Variants in COG4 observed in about 807,000 individuals in gnomAD.
COG4 encodes conserved oligomeric Golgi complex subunit 4.
In COG4, 65 loss-of-function variants were observed where a neutral mutation model predicts 95.1. The observed-to-expected ratio is 0.68, with a 90% CI of 0.56 to 0.84. The LOEUF is 0.84. Among genes scored for constraint, COG4 ranks in the 40% least tolerant of loss-of-function variants. The probability of loss-of-function intolerance (pLI) is 0.00; values close to 1 mark genes in which losing one functional copy is unlikely to be tolerated. For synonymous variants in COG4, 421 were observed against 374.8 expected (o/e 1.12, Z -1.42); for missense variants, 1,045 against 989.1 (o/e 1.06, Z -0.76).
chr16:70,505,133 G>C (rs769291793), intron 8 of COG4, among the ~76,000 whole-genome samples: 32 of 151,136 alleles, frequency 2.1e-4, no homozygotes, highest in Non-Finnish European at 4.4e-4. Context: ...TCAAGGACTA[G>C]TATCTGGCAC....
intron 8 of COG4, among the ~76,000 whole-genome samples, chr16:70,506,640 G>T (rs1341297255): frequency 7.5e-6 from 1 of 133,124 alleles, no homozygotes; most frequent in Non-Finnish European, 1.6e-5. Flanking sequence ...CATTTAGCTG[G>T]GAGTGGTGAC....
Position 70,480,929 on chromosome 16 carries a change from A to G in COG4, c.*81T>C. 6.4e-7 allele frequency: 1 copy of G among 1,553,420 alleles called. No homozygotes were observed. Among genetic ancestry groups the G allele is most frequent in the Non-Finnish European group, 8.8e-7 (1 of 1,135,436 alleles). On this transcript the variant is annotated 3_prime_UTR_variant, in exon 19 of 19. Coordinates refer to ENST00000323786, the MANE Select transcript of COG4 (RefSeq NM_015386.3). ...CTGTCAGATCTCCCCCAAGCCAGACAGCCTCGCTCAGCTCCTTGGCTGGGG... is the reference window on the plus strand; with the variant it reads ...CTGTCAGATCTCCCCCAAGCCAGACGGCCTCGCTCAGCTCCTTGGCTGGGG...
intron 12 of COG4, among the ~76,000 whole-genome samples, chr16:70,492,947 G>C (rs1447097342): frequency 6.6e-6 from 1 of 151,964 alleles, no homozygotes; most frequent in African/African-American, 2.4e-5. Flanking sequence ...GGGGCAACAA[G>C]AACGAAACTC....
rs1207931420 is a variant in COG4 at position 70,482,672 on chromosome 16, C to T, written c.1920+57G>A. ...GTTCAGATGGCTCTGCTCCCTCTAGCTGGGGCTAGGGATGAGGGGTCATCG... is the reference window on the plus strand; with the variant it reads ...GTTCAGATGGCTCTGCTCCCTCTAGTTGGGGCTAGGGATGAGGGGTCATCG... On this transcript the variant is annotated intron_variant, in intron 15 of 18. Transcript: ENST00000323786. The T allele has an allele frequency of 2.1e-6, 3 of 1,413,990 alleles. No individual in the cohort carries two copies. The African/African-American group carries it at 4.2e-5, about 20-fold the overall frequency. The allele number at this position is 1,413,990 out of a possible 1,614,324, so 87.6% of individuals were successfully genotyped here.
chr16:70,509,529 C>T (rs1010034602), intron 6 of COG4, 141 bp from the exon 7 acceptor site: 58 of 928,828 alleles, frequency 6.2e-5, no homozygotes, highest in Non-Finnish European at 9.0e-5. Flanking sequence ...TAGGCCTAGT[C>T]AATGCTAGGG....
chr16:70,513,326 T>C (rs887130933), intron 4 of COG4, among the ~76,000 whole-genome samples: 2 of 152,160 alleles, frequency 1.3e-5, no homozygotes, highest in Admixed American at 1.3e-4. Context: ...ATTTTATGAG[T>C]AGGCAATATG....
Position 70,523,359 on chromosome 16 carries a change from G to A in COG4, c.171+14C>T, listed in dbSNP as rs775954731. The A allele has an allele frequency of 1.2e-6, 2 of 1,613,926 alleles. No individual in the cohort carries two copies. Among genetic ancestry groups the A allele is most frequent in the Admixed American group, 1.7e-5 (1 of 60,006 alleles). ...CTAGATCCTCCATGAAAAAGAAGAG[G>A]CTCGACCCCGCACCTCCTCGCCGCA... On this transcript the variant is annotated intron_variant, in intron 1 of 18. Coordinates refer to ENST00000323786, the MANE Select transcript of COG4 (RefSeq NM_015386.3).
chr16:70,484,448 A>T (rs1475163166), intron 13 of COG4, among the ~76,000 whole-genome samples: 2 of 151,956 alleles, frequency 1.3e-5, no homozygotes, highest in African/African-American at 4.8e-5. Context: ...ATATTTATTT[A>T]CTTCTTCTTA....
At chr16:70,504,608 TTAAAAAA>T (rs1567385406) in intron 8 of COG4, among the ~76,000 whole-genome samples, 4 of 89,058 alleles carry the variant, frequency 4.5e-5, no homozygotes, top group Non-Finnish European at 8.3e-5. Context: ...GAGATTCTAT[TTAAAAAA>T]AAAAAAAAAA....
chr16:70,493,666 T>C (rs1213126638), intron 12 of COG4, among the ~76,000 whole-genome samples: 4 of 151,768 alleles, frequency 2.6e-5, no homozygotes, highest in South Asian at 2.1e-4. Context: ...TGGCAGGAGG[T>C]AGAGCTGCGA....
chr16:70,523,520 A>G lies in COG4; in HGVS notation c.24T>C (p.Leu8=), dbSNP rs760405355. 8.7e-6 allele frequency: 14 copies of G among 1,613,812 alleles called. No individual in the cohort carries two copies. The highest frequency in any genetic ancestry group is 1.3e-5 in the African/African-American group (1 of 74,958). Residue 8 remains leucine (L), a synonymous_variant, in exon 1 of 19, where the codon CTT becomes CTC. Transcript: ENST00000323786. The stretch of plus-strand genomic sequence containing the variant: ...CCCCTGACAGCTTCGGAGGCGAATC[A>G]AGGTCCGCCATCTTGGTCCCCATTC... MGTKMAD[L]DSPPKLSGVQ...
intron 8 of COG4, among the ~76,000 whole-genome samples, chr16:70,506,227 C>A (rs1196284648): frequency 6.6e-6 from 1 of 151,178 alleles, no homozygotes; most frequent in Non-Finnish European, 1.5e-5. Flanking sequence ...AAAACCCTGT[C>A]TCTACTAAAA....
In COG4 at chr16:70,517,806, G is replaced by A. The variant is rs1248483160; in HGVS notation, c.255-66C>T. On this transcript the variant is annotated intron_variant, in intron 2 of 18. Transcript: ENST00000323786. Reference sequence around the variant, plus strand: ...AGAGAAGAGACAGAAACTTTTTTTTGCATATGGACACTATGTCTTCTACTT... The same window carrying A: ...AGAGAAGAGACAGAAACTTTTTTTTACATATGGACACTATGTCTTCTACTT... 7.2e-6 allele frequency: 7 copies of A among 973,040 alleles called. No homozygotes were observed. The East Asian group carries it at 1.4e-4, about 20-fold the overall frequency. The allele number at this position is 973,040 out of a possible 1,614,324, so 60.3% of individuals were successfully genotyped here.
chr16:70,516,079 TTCTGAG>T lies in COG4; in HGVS notation c.369+1541_369+1546del, dbSNP rs745853454. 3.3e-5 allele frequency: 15 copies of T among 455,910 alleles called. No individual in the cohort carries two copies. In the East Asian group the frequency reaches 3.5e-4, roughly 11 times the overall value. 28.2% of individuals were successfully genotyped at this position (455,910 alleles called of 1,614,324 possible). A position where few individuals can be genotyped will look rare whatever the true frequency, so the allele number is the denominator to read the frequency against. ...ATATTGAATTTTGTTAAATGTTTTC[TTCTGAG>T]TCTATGAGGTGATCATGTGTTTTTT... On this transcript the variant is annotated intron_variant, in intron 3 of 18. Transcript: ENST00000323786.
chr16:70,482,299 A>G, intron 15 of COG4, 124 bp from the exon 16 acceptor site: 1 of 754,314 alleles, frequency 1.3e-6, no homozygotes, highest in Non-Finnish European at 2.3e-6. Context: ...CTTCTGACTC[A>G]TCTAGTTTAA....
At chr16:70,509,475 A>C in intron 6 of COG4, 87 bp from the exon 7 acceptor site, 1 of 1,463,256 alleles carries the variant, frequency 6.8e-7, no homozygotes. Context: ...CCGAAGGTCT[A>C]GCTCAATCCT....
chr16:70,501,167 C>A, intron 8 of COG4, 76 bp from the exon 9 acceptor site: 1 of 1,519,392 alleles, frequency 6.6e-7, no homozygotes, highest in Non-Finnish European at 9.0e-7. Context: ...CAAAGAGAGT[C>A]CCAAATTCCC....
intron 8 of COG4, among the ~76,000 whole-genome samples, chr16:70,506,467 C>T (rs1439022579): frequency 1.3e-5 from 2 of 151,380 alleles, no homozygotes; most frequent in Non-Finnish European, 1.5e-5. Flanking sequence ...TGGCACCTGC[C>T]TACAGTCCCA....
chr16:70,500,293 T>G (rs1346731293), intron 9 of COG4, among the ~76,000 whole-genome samples: 1 of 151,456 alleles, frequency 6.6e-6, no homozygotes, highest in African/African-American at 2.4e-5. Context: ...ATGTCAATTA[T>G]TCCTTGAAAA....
Sources: allele counts gnomAD v4.1 joint callset (sites outside exome capture counted in the v4.1 genomes callset), GRCh38; gene constraint gnomAD v4.1.1; transcripts MANE v1.5; gene names NCBI Gene and HGNC (gene_info 2026-07-23, HGNC 2026-07-21).